EFCAB8: variants seen among roughly 807,000 people sequenced by gnomAD.
EFCAB8 encodes the protein EF-hand calcium-binding domain-containing protein 8.
EFCAB8 carries 100 observed loss-of-function variants against 116.3 expected under a neutral mutation model. The observed-to-expected ratio is 0.86, with a 90% CI of 0.73 to 1.02. The LOEUF (loss-of-function observed/expected upper bound fraction) is 1.02, where lower values mean the gene tolerates loss of function less well. Among genes scored for constraint, EFCAB8 ranks in the 50% least tolerant of loss-of-function variants. EFCAB8 has a pLI of 0.00. For synonymous variants in EFCAB8, 558 were observed against 567.9 expected (o/e 0.98, Z 0.25); for missense variants, 1,320 against 1,416.9 (o/e 0.93, Z 1.10).
At chr20:32,951,120 A>G (rs915961084) in intron 23 of EFCAB8, among the ~76,000 whole-genome samples, 5 of 152,342 alleles carry the variant, frequency 3.3e-5, no homozygotes, top group Middle Eastern at 3.4e-3. Context: ...TGGTTCAACC[A>G]CTTTGGAAAG....
At chr20:32,936,667 G>A (rs907337926) in intron 22 of EFCAB8, among the ~76,000 whole-genome samples, 1 of 152,044 alleles carries the variant, frequency 6.6e-6, no homozygotes, top group African/African-American at 2.4e-5. Context: ...TACATTAGTC[G>A]ATGTGTCTAT....
chr20:32,871,015 G>A (rs1984658393), intron 3 of EFCAB8, among the ~76,000 whole-genome samples: 1 of 151,680 alleles, frequency 6.6e-6, no homozygotes, highest in Non-Finnish European at 1.5e-5. Context: ...CGCACCACTG[G>A]CTAATTTTGG....
rs76404073 is a variant in EFCAB8 at position 32,961,238 on chromosome 20, A to G, written c.3496A>G (p.Ile1166Val). The G allele has an allele frequency of 0.042, 64,570 of 1,551,790 alleles. 1,569 individuals are homozygous for G. The highest frequency in any genetic ancestry group is 0.046 in the Non-Finnish European group (52,989 of 1,146,924). Residue 1166 changes from isoleucine to valine, a missense_variant, in exon 27 of 27, where the codon ATC (isoleucine) becomes GTC (valine). Ile to Val is a conservative substitution (Grantham distance 29). Coordinates refer to ENST00000400522, the MANE Select transcript of EFCAB8 (RefSeq NM_001143967.2). ...GGGCCCAGACCAGCAAGACCAGCAC[A>G]TCCGCCTGGTGGCCCACCATGTCCA... is the stretch of plus-strand genomic sequence containing the variant. ...SRGPDQQDQH[I>V]RLVAHHVQKD...
Position 32,876,029 on chromosome 20 carries a change from A to G in EFCAB8, c.312A>G (p.Glu104=). The G allele has an allele frequency of 6.4e-7, 1 of 1,552,072 alleles. No homozygotes were observed. Among genetic ancestry groups the G allele is most frequent in the Non-Finnish European group, 8.7e-7 (1 of 1,147,078 alleles). ...ELFLKVDSDC[E]GFVTWQKYVD... ...TTTTGAAGGTGGACTCGGACTGTGA[A>G]GGCTTTGTCACCTGGGTGAGGAGGG... Residue 104 remains glutamate, a synonymous_variant, in exon 4 of 27, where the codon GAA becomes GAG. Coordinates refer to ENST00000400522, the MANE Select transcript of EFCAB8 (RefSeq NM_001143967.2).
chr20:32,863,752 G>T, intron 1 of EFCAB8, 31 bp from the exon 2 acceptor site: 1 of 1,547,126 alleles, frequency 6.5e-7, no homozygotes. Context: ...ACAACGACTG[G>T]AGTTAAGTTG....
intron 20 of EFCAB8, among the ~76,000 whole-genome samples, chr20:32,924,429 A>T (rs1030943259): frequency 2.0e-5 from 3 of 152,170 alleles, no homozygotes; most frequent in African/African-American, 4.8e-5. Context: ...TTATTTATTT[A>T]TGAGGGATTT....
chr20:32,919,168 G>A (rs1257130092), intron 19 of EFCAB8, among the ~76,000 whole-genome samples: 1 of 152,200 alleles, frequency 6.6e-6, no homozygotes, highest in African/African-American at 2.4e-5. Context: ...TCAGCAGTGA[G>A]TACAGTATTC....
chr20:32,930,523 G>A lies in EFCAB8; in HGVS notation c.2538G>A (p.Val846=). The A allele has an allele frequency of 1.9e-6, 3 of 1,552,296 alleles. No individual in the cohort carries two copies. The highest frequency in any genetic ancestry group is 2.6e-6 in the Non-Finnish European group (3 of 1,147,122). ...GAGGCCTGCTGGGGAAGTTCCCTGT[G>A]GACCTAGACAATGGGGATGTTGTCG... The part of the protein sequence containing the change: ...ENGGLLGKFP[V]DLDNGDVVVG... The change falls in exon 21 of 27, where the codon GTG becomes GTA. Residue 846 remains valine, a synonymous_variant. Coordinates refer to ENST00000400522, the MANE Select transcript of EFCAB8 (RefSeq NM_001143967.2).
rs551935057 is a variant in EFCAB8 at position 32,953,413 on chromosome 20, A to G, written c.2960-5008A>G. On this transcript the variant is annotated intron_variant, in intron 23 of 26. Coordinates refer to ENST00000400522, the MANE Select transcript of EFCAB8 (RefSeq NM_001143967.2). ...TTGAGGAACCTCCATACTGTTTTCC[A>G]TAGCACATGTACCATTTTATAATCC... Among the ~76,000 whole-genome samples, 16 of 152,354 alleles carry G rather than the reference A, an allele frequency of 1.1e-4. No individual in the cohort carries two copies. In the South Asian group the frequency reaches 2.9e-3, roughly 28 times the overall value.
At position 32,893,271 on chromosome 20, in the gene EFCAB8, C is replaced by T. The variant is rs73904069; in HGVS notation, c.856C>T (p.Arg286Cys). 11,916 of 1,551,876 alleles carry T rather than the reference C, an allele frequency of 7.7e-3. 473 individuals carry two copies. In the African/African-American group the frequency reaches 0.11, roughly 14 times the overall value. ...ENMTSGLFNP[R>C]ILPRASKWDH... is the part of the protein sequence containing the mutation. The stretch of plus-strand genomic sequence containing the variant: ...CATGACCAGTGGGCTGTTCAACCCC[C>T]GTATCCTCCCCAGGGCCTCCAAGTG... Residue 286 changes from arginine (R) to cysteine (C), a missense_variant, in exon 9 of 27, where the codon CGT (arginine) becomes TGT (cysteine). Transcript: ENST00000400522.
intron 9 of EFCAB8, 24 bp downstream of exon 9, chr20:32,893,322 G>A (rs1986008240): frequency 2.6e-6 from 4 of 1,551,486 alleles, no homozygotes; most frequent in Non-Finnish European, 3.5e-6. Flanking sequence ...TGGGGAAGGG[G>A]GCAGAGGCCT....
intron 23 of EFCAB8, among the ~76,000 whole-genome samples, chr20:32,944,055 T>G (rs1988499833): frequency 6.6e-6 from 1 of 152,234 alleles, no homozygotes; most frequent in African/African-American, 2.4e-5. Context: ...AGCATATTCC[T>G]TTCTCTTTTA....
intron 26 of EFCAB8, among the ~76,000 whole-genome samples, 192 bp from the exon 27 acceptor site, chr20:32,960,944 C>A (rs1463916265): frequency 6.6e-6 from 1 of 152,234 alleles, no homozygotes; most frequent in African/African-American, 2.4e-5. Context: ...GGCTGGGCAC[C>A]TGGCCTGGTG....
At chr20:32,960,736 A>T (rs552982172) in intron 26 of EFCAB8, among the ~76,000 whole-genome samples, 1 of 152,268 alleles carries the variant, frequency 6.6e-6, no homozygotes, top group African/African-American at 2.4e-5. Context: ...AATAAATGAG[A>T]TAACACCGAA....
At chr20:32,876,736 G>T (rs188604695) in intron 4 of EFCAB8, among the ~76,000 whole-genome samples, 9 of 152,162 alleles carry the variant, frequency 5.9e-5, no homozygotes, top group Non-Finnish European at 8.8e-5. Flanking sequence ...GGAGGCCAAG[G>T]GGGGTGGATC....
At chr20:32,906,464 G>T in intron 11 of EFCAB8, 98 bp from the exon 12 acceptor site, 2 of 698,894 alleles carry the variant, frequency 2.9e-6, no homozygotes, top group Non-Finnish European at 5.3e-6. Context: ...CTCCTGGGAG[G>T]CTCTGCCTCT....
At chr20:32,919,895 A>C (rs1987366259) in intron 19 of EFCAB8, among the ~76,000 whole-genome samples, 183 bp from the exon 20 acceptor site, 1 of 152,142 alleles carries the variant, frequency 6.6e-6, no homozygotes, top group Non-Finnish European at 1.5e-5. Context: ...TTGCTCTAGC[A>C]AAATTGCTGG....
intron 2 of EFCAB8, among the ~76,000 whole-genome samples, chr20:32,865,669 C>A (rs138686049): frequency 6.6e-6 from 1 of 151,854 alleles, no homozygotes; most frequent in African/African-American, 2.4e-5. Context: ...CGTGGTGACT[C>A]ATGCCTGTAG....
chr20:32,869,800 T>C (rs946687620), intron 3 of EFCAB8, among the ~76,000 whole-genome samples: 4 of 152,230 alleles, frequency 2.6e-5, no homozygotes, highest in Admixed American at 2.6e-4. Flanking sequence ...CACTTAATGC[T>C]AATATCCTAA....
Sources: gnomAD v4.1 joint callset for allele counts (sites outside exome capture counted in the v4.1 genomes callset) on GRCh38, gnomAD v4.1.1 for gene constraint, MANE v1.5 for transcripts, NCBI Gene and HGNC (gene_info 2026-07-23, HGNC 2026-07-21) for gene names.